The following SPTLC3 variants were observed in gnomAD, a reference collection of about 807,000 sequenced individuals.
SPTLC3 encodes serine palmitoyltransferase long chain base subunit 3.
A neutral mutation model predicts 59.3 loss-of-function variants in SPTLC3; 36 were observed. That is an observed-to-expected ratio of 0.61 (90% confidence interval 0.47 to 0.80). The LOEUF (loss-of-function observed/expected upper bound fraction) is 0.80. Ranked by LOEUF, SPTLC3 falls within the 30% of genes least tolerant of loss-of-function variation. SPTLC3 has a pLI of 0.00. For synonymous variants in SPTLC3, 257 were observed against 240.8 expected (o/e 1.07, Z -0.62); for missense variants, 625 against 685.1 (o/e 0.91, Z 0.98).
chr20:13,106,586 C>T (rs1190031759), intron 6 of SPTLC3, among the ~76,000 whole-genome samples: 1 of 152,132 alleles, frequency 6.6e-6, no homozygotes, highest in Non-Finnish European at 1.5e-5. Flanking sequence ...GAAAGACAGG[C>T]AGAGGCTATA....
intron 4 of SPTLC3, among the ~76,000 whole-genome samples, chr20:13,089,951 T>C (rs1374806684): frequency 1.3e-5 from 2 of 152,232 alleles, no homozygotes; most frequent in Non-Finnish European, 2.9e-5. Flanking sequence ...AAAATAAATT[T>C]GCAGTTGGTG....
At chr20:13,128,074 TA>T (rs2122803773) in intron 9 of SPTLC3, among the ~76,000 whole-genome samples, 1 of 152,314 alleles carries the variant, frequency 6.6e-6, no homozygotes, top group African/African-American at 2.4e-5. Context: ...AGAAAAACAA[TA>T]TTTATGAGCC....
Position 13,165,947 on chromosome 20 carries a change from A to G in SPTLC3, c.*1080A>G, listed in dbSNP as rs2038978799. 1 of 152,252 alleles carries G rather than the reference A, an allele frequency of 6.6e-6. No homozygotes were observed. Among genetic ancestry groups the G allele is most frequent in the East Asian group, 1.9e-4 (1 of 5,196 alleles). The allele number at this position is 152,252 out of a possible 1,614,324, so 9.4% of individuals were successfully genotyped here. ...TGCACACTTTGAGGTAACTAACTGTAATTTACTTGTGTTCTCTCTTTCTTG... is the reference window on the plus strand; with the variant it reads ...TGCACACTTTGAGGTAACTAACTGTGATTTACTTGTGTTCTCTCTTTCTTG... On this transcript the variant is annotated 3_prime_UTR_variant, in exon 12 of 12. Coordinates refer to ENST00000399002, the MANE Select transcript of SPTLC3 (RefSeq NM_018327.4).
chr20:13,102,724 T>C (rs898737883), intron 6 of SPTLC3, among the ~76,000 whole-genome samples: 1 of 152,180 alleles, frequency 6.6e-6, no homozygotes, highest in Non-Finnish European at 1.5e-5. Flanking sequence ...CTTGGTGCAT[T>C]GAGCCCCCTC....
At chr20:13,103,722 G>C (rs1243906324) in intron 6 of SPTLC3, among the ~76,000 whole-genome samples, 3 of 152,236 alleles carry the variant, frequency 2.0e-5, no homozygotes, top group African/African-American at 7.2e-5. Context: ...CAGGGGCACT[G>C]AGAAATGGGC....
At chr20:13,067,005 G>C (rs973485092) in intron 2 of SPTLC3, among the ~76,000 whole-genome samples, 1 of 117,662 alleles carries the variant, frequency 8.5e-6, no homozygotes, top group Non-Finnish European at 1.8e-5. Flanking sequence ...TTAAATGGGT[G>C]CATTGTTCTG....
intron 1 of SPTLC3, among the ~76,000 whole-genome samples, chr20:13,020,332 C>T (rs1214725310): frequency 2.1e-5 from 3 of 145,462 alleles, no homozygotes; most frequent in Admixed American, 1.4e-4. Context: ...GGAAACATGG[C>T]AAGACCCCAT....
intron 8 of SPTLC3, among the ~76,000 whole-genome samples, chr20:13,124,103 G>T (rs191516423): frequency 1.3e-5 from 2 of 152,304 alleles, no homozygotes; most frequent in East Asian, 3.9e-4. Flanking sequence ...ATACTCTTCA[G>T]ATATGGGGAA....
chr20:13,148,393 G>A (rs979615562), intron 9 of SPTLC3, among the ~76,000 whole-genome samples: 1 of 152,140 alleles, frequency 6.6e-6, no homozygotes, highest in Non-Finnish European at 1.5e-5. Context: ...GCCAAGATAG[G>A]TACACCCTTG....
intron 1 of SPTLC3, among the ~76,000 whole-genome samples, chr20:13,019,069 A>G (rs1017104594): frequency 6.6e-6 from 1 of 152,198 alleles, no homozygotes; most frequent in South Asian, 2.1e-4. Flanking sequence ...CATATTGAAG[A>G]TCATCTGAGC....
chr20:13,123,342 A>AT lies in SPTLC3; in HGVS notation c.1153-3249_1153-3248insT, dbSNP rs35453442. Among the ~76,000 whole-genome samples the AT allele has an allele frequency of 1.7e-3, 259 of 151,592 alleles. 1 individual carries two copies. The highest frequency in any genetic ancestry group is 2.5e-3 in the Non-Finnish European group (172 of 67,904). ...CAAGACTCTGTCTAAAAAAAAAAAAAGTCACCAACTGCATCAGGTATTCAC... is the reference window on the plus strand; with the variant it reads ...CAAGACTCTGTCTAAAAAAAAAAAAATGTCACCAACTGCATCAGGTATTCAC... On this transcript the variant is annotated intron_variant, in intron 8 of 11. Coordinates refer to ENST00000399002, the MANE Select transcript of SPTLC3 (RefSeq NM_018327.4).
chr20:13,098,101 C>T (rs1439474600), intron 6 of SPTLC3, among the ~76,000 whole-genome samples: 1 of 152,154 alleles, frequency 6.6e-6, no homozygotes, highest in Non-Finnish European at 1.5e-5. Context: ...GAAGACTACG[C>T]AACAGAGACT....
chr20:13,141,697 G>A (rs1197759338), intron 9 of SPTLC3, among the ~76,000 whole-genome samples: 2 of 152,194 alleles, frequency 1.3e-5, no homozygotes, highest in Admixed American at 6.5e-5. Flanking sequence ...TGGAGAGACC[G>A]AAAGAGGCTG....
At chr20:13,062,684 C>T (rs1459523291) in intron 2 of SPTLC3, among the ~76,000 whole-genome samples, 1 of 152,160 alleles carries the variant, frequency 6.6e-6, no homozygotes, top group Non-Finnish European at 1.5e-5. Flanking sequence ...CTACACTTAA[C>T]GTTCGTGTGT....
intron 1 of SPTLC3, among the ~76,000 whole-genome samples, chr20:13,046,098 CA>C (rs1987219523): frequency 2.0e-5 from 3 of 152,202 alleles, no homozygotes; most frequent in Non-Finnish European, 4.4e-5. Flanking sequence ...GTTCTGAGGT[CA>C]CCCACACTGG....
chr20:13,155,692 G>A (rs1053417525), intron 10 of SPTLC3, among the ~76,000 whole-genome samples: 2 of 151,734 alleles, frequency 1.3e-5, no homozygotes, highest in African/African-American at 4.8e-5. Flanking sequence ...CGGGCGTGGT[G>A]GTGGGTGCCT....
chr20:13,014,567 T>G (rs1008820482), intron 1 of SPTLC3, among the ~76,000 whole-genome samples: 2 of 152,086 alleles, frequency 1.3e-5, no homozygotes, highest in Non-Finnish European at 2.9e-5. Flanking sequence ...TTGTCTTAGT[T>G]TACATTCCCC....
chr20:13,096,558 T>A (rs1989422273), intron 6 of SPTLC3, among the ~76,000 whole-genome samples: 1 of 152,094 alleles, frequency 6.6e-6, no homozygotes, highest in Admixed American at 6.6e-5. Context: ...ACATACTGTC[T>A]GAGTTCATTT....
chr20:13,078,433 A>G (rs1465347973), intron 4 of SPTLC3, among the ~76,000 whole-genome samples: 3 of 151,702 alleles, frequency 2.0e-5, no homozygotes, highest in African/African-American at 7.2e-5. Context: ...CTAAAATTTT[A>G]AATAGAACAT....
Sources: allele counts gnomAD v4.1 joint callset (sites outside exome capture counted in the v4.1 genomes callset), GRCh38; gene constraint gnomAD v4.1.1; transcripts MANE v1.5; gene names NCBI Gene and HGNC (gene_info 2026-07-23, HGNC 2026-07-21).